The following ROR1 variants were observed in gnomAD, a reference collection of about 807,000 sequenced individuals.
The protein encoded by ROR1 is inactive tyrosine-protein kinase transmembrane receptor ROR1.
ROR1 carries 19 observed loss-of-function variants against 78.8 expected under a neutral mutation model. The observed-to-expected ratio is 0.24, with a 90% confidence interval of 0.17 to 0.35. The LOEUF (loss-of-function observed/expected upper bound fraction) is 0.35, where lower values mean the gene tolerates loss of function less well. Ranked by LOEUF, ROR1 falls within the 10% of genes least tolerant of loss-of-function variation. The pLI, the probability that ROR1 is intolerant of heterozygous loss-of-function variation, is 1.00. For missense variants in ROR1, 917 were observed against 1,177.8 expected (o/e 0.78, Z 3.24); for synonymous variants, 386 against 433.6 (o/e 0.89, Z 1.36).
At chr1:64,010,017 C>T (rs12061767) in intron 2 of ROR1, among the ~76,000 whole-genome samples, 4,542 of 152,208 alleles carry the variant, frequency 0.03, 257 homozygotes, top group African/African-American at 0.11. Flanking sequence ...ATCTTTATTC[C>T]CCTTTATGCA....
intron 8 of ROR1, among the ~76,000 whole-genome samples, chr1:64,168,787 G>A (rs966140673): frequency 6.6e-6 from 1 of 152,162 alleles, no homozygotes; most frequent in African/African-American, 2.4e-5. Flanking sequence ...AGTTTAAATT[G>A]CCCAACTAGG....
At chr1:63,901,086 G>C (rs139980682) in intron 1 of ROR1, among the ~76,000 whole-genome samples, 18 of 152,288 alleles carry the variant, frequency 1.2e-4, no homozygotes, top group Non-Finnish European at 2.2e-4. Flanking sequence ...CACCCATTCT[G>C]TATGACTTTT....
intron 1 of ROR1, among the ~76,000 whole-genome samples, chr1:63,800,495 T>C (rs1420581253): frequency 3.3e-5 from 5 of 152,018 alleles, no homozygotes; most frequent in Non-Finnish European, 5.9e-5. Context: ...CTTTCCTGGG[T>C]GTAGGAAACT....
At chr1:63,908,499 T>C (rs2100412955) in intron 1 of ROR1, among the ~76,000 whole-genome samples, 1 of 152,348 alleles carries the variant, frequency 6.6e-6, no homozygotes, top group East Asian at 1.9e-4. Flanking sequence ...TTATTAGTGT[T>C]AACATTTTGG....
chr1:63,932,877 G>C (rs1645765159), intron 1 of ROR1, among the ~76,000 whole-genome samples: 1 of 152,094 alleles, frequency 6.6e-6, no homozygotes, highest in Non-Finnish European at 1.5e-5. Flanking sequence ...CTGGAACTGG[G>C]TGGTAGAATG....
At chr1:63,897,331 C>T (rs1337596050) in intron 1 of ROR1, among the ~76,000 whole-genome samples, 2 of 152,194 alleles carry the variant, frequency 1.3e-5, no homozygotes, top group African/African-American at 4.8e-5. Flanking sequence ...CTATGAAATG[C>T]TTGACATTGT....
At chr1:63,880,738 T>G (rs1645316756) in intron 1 of ROR1, among the ~76,000 whole-genome samples, 1 of 152,128 alleles carries the variant, frequency 6.6e-6, no homozygotes, top group Admixed American at 6.5e-5. Flanking sequence ...GTTTTCTAGT[T>G]GCTTCATACA....
chr1:64,037,078 G>C (rs1646708257), intron 2 of ROR1, among the ~76,000 whole-genome samples: 1 of 152,136 alleles, frequency 6.6e-6, no homozygotes, highest in Non-Finnish European at 1.5e-5. Flanking sequence ...CAGAGGGATT[G>C]CCTCAAGTTT....
chr1:64,059,319 C>T (rs908739834), intron 4 of ROR1, among the ~76,000 whole-genome samples: 6 of 152,082 alleles, frequency 3.9e-5, no homozygotes, highest in Non-Finnish European at 5.9e-5. Context: ...GATTGCCTCT[C>T]CTCTGATGTT....
intron 1 of ROR1, among the ~76,000 whole-genome samples, chr1:63,897,121 T>C (rs888602009): frequency 3.9e-5 from 6 of 152,240 alleles, no homozygotes; most frequent in African/African-American, 1.4e-4. Context: ...GTACTGCCCT[T>C]TGGCCCTTTC....
At chr1:63,781,899 C>G (rs1312475194) in intron 1 of ROR1, among the ~76,000 whole-genome samples, 1 of 152,158 alleles carries the variant, frequency 6.6e-6, no homozygotes, top group Admixed American at 6.5e-5. Flanking sequence ...TACAGTTGCT[C>G]TGGTATATTC....
At chr1:63,882,040 GA>G (rs1341546088) in intron 1 of ROR1, among the ~76,000 whole-genome samples, 27 of 152,160 alleles carry the variant, frequency 1.8e-4, no homozygotes, top group African/African-American at 6.3e-4. Context: ...GATACTCTGG[GA>G]ACACCTAATT....
chr1:63,825,171 C>G (rs1471814735), intron 1 of ROR1, among the ~76,000 whole-genome samples: 2 of 152,136 alleles, frequency 1.3e-5, no homozygotes, highest in African/African-American at 4.8e-5. Flanking sequence ...AGCTCCAGTC[C>G]TAGGTATTTA....
At chr1:63,931,656 A>T (rs1645753693) in intron 1 of ROR1, among the ~76,000 whole-genome samples, 2 of 152,152 alleles carry the variant, frequency 1.3e-5, no homozygotes, top group South Asian at 4.1e-4. Flanking sequence ...TGTCCTGCGT[A>T]TCTAAGCTGT....
At chr1:63,965,999 C>G (rs1469663329) in intron 1 of ROR1, among the ~76,000 whole-genome samples, 1 of 152,186 alleles carries the variant, frequency 6.6e-6, no homozygotes, top group South Asian at 2.1e-4. Context: ...AGGACTGTTA[C>G]TGATAGTAAC....
At chr1:63,776,848 A>G (rs1644619696) in intron 1 of ROR1, among the ~76,000 whole-genome samples, 1 of 151,814 alleles carries the variant, frequency 6.6e-6, no homozygotes, top group African/African-American at 2.4e-5. Context: ...ATCCCTTTCC[A>G]TTTTGTGAAT....
chr1:63,881,715 G>C (rs530625088), intron 1 of ROR1, among the ~76,000 whole-genome samples: 2 of 152,078 alleles, frequency 1.3e-5, no homozygotes, highest in Non-Finnish European at 2.9e-5. Context: ...TTAATTTTAC[G>C]CCAGACACTT....
At chr1:63,944,488 C>G (rs1645867359) in intron 1 of ROR1, among the ~76,000 whole-genome samples, 1 of 152,138 alleles carries the variant, frequency 6.6e-6, no homozygotes, top group Admixed American at 6.5e-5. Context: ...TATTTTGTTC[C>G]TTGGAGACAG....
At chr1:63,826,710 A>G (rs1039868450) in intron 1 of ROR1, among the ~76,000 whole-genome samples, 1 of 151,532 alleles carries the variant, frequency 6.6e-6, no homozygotes, top group African/African-American at 2.4e-5. Flanking sequence ...ACTCCCACCA[A>G]TGGTACATTG....
Sources: gnomAD v4.1 joint callset for allele counts (sites outside exome capture counted in the v4.1 genomes callset) on GRCh38, gnomAD v4.1.1 for gene constraint, MANE v1.5 for transcripts, NCBI Gene and HGNC (gene_info 2026-07-23, HGNC 2026-07-21) for gene names.